The following FGGY variants were observed in gnomAD, a reference collection of about 807,000 sequenced individuals.
FGGY encodes the protein FGGY carbohydrate kinase domain containing.
FGGY carries 72 observed loss-of-function variants against 71.3 expected under a neutral mutation model. The ratio of observed to expected loss-of-function variants is 1.01; its 90% CI spans 0.84 to 1.23. FGGY has a LOEUF of 1.23. Ranked by LOEUF, FGGY falls within the 50% of genes most tolerant of loss-of-function variation. The probability of loss-of-function intolerance (pLI) is 0.00; values close to 1 mark genes in which losing one functional copy is unlikely to be tolerated. For synonymous variants in FGGY, 251 were observed against 250.3 expected (o/e 1.00, Z -0.02); for missense variants, 668 against 682.3 (o/e 0.98, Z 0.23).
chr1:59,689,797 A>G (rs1338536696), intron 14 of FGGY, among the ~76,000 whole-genome samples: 1 of 152,198 alleles, frequency 6.6e-6, no homozygotes, highest in Admixed American at 6.5e-5. Context: ...GAATTTCAGG[A>G]TGGAGAAAGC....
At chr1:59,302,981 C>T (rs2042992560) in intron 1 of FGGY, among the ~76,000 whole-genome samples, 2 of 151,964 alleles carry the variant, frequency 1.3e-5, no homozygotes, top group Non-Finnish European at 2.9e-5. Flanking sequence ...TTATCTATTT[C>T]CTTTTTCCCC....
chr1:59,324,345 C>G (rs371133677), intron 2 of FGGY, among the ~76,000 whole-genome samples: 2,388 of 128,408 alleles, frequency 0.019, 74 homozygotes, highest in African/African-American at 0.066. Context: ...GGCGGGATCT[C>G]GGCTCACTGC....
chr1:59,542,040 A>G (rs1487390698), intron 7 of FGGY, among the ~76,000 whole-genome samples: 1 of 152,208 alleles, frequency 6.6e-6, no homozygotes, highest in Non-Finnish European at 1.5e-5. Flanking sequence ...CAGCTAAGCC[A>G]TTTTTGTGGC....
intron 2 of FGGY, among the ~76,000 whole-genome samples, chr1:59,323,259 AG>A (rs1469553883): frequency 6.6e-6 from 1 of 152,254 alleles, no homozygotes; most frequent in African/African-American, 2.4e-5. Flanking sequence ...ACTTTAAAAA[AG>A]GTCTACTCTA....
At chr1:59,678,118 C>G (rs1036054898) in intron 14 of FGGY, among the ~76,000 whole-genome samples, 1 of 152,202 alleles carries the variant, frequency 6.6e-6, no homozygotes, top group African/African-American at 2.4e-5. Flanking sequence ...GAAGGCAAAT[C>G]ATGATCAGCT....
chr1:59,667,093 T>G (rs1353469209), intron 12 of FGGY, among the ~76,000 whole-genome samples, 190 bp from the exon 13 acceptor site: 3 of 152,198 alleles, frequency 2.0e-5, no homozygotes, highest in African/African-American at 7.2e-5. Flanking sequence ...AGGCCCAACT[T>G]GAAATTCCCA....
chr1:59,682,809 T>C (rs2097514110), intron 14 of FGGY, among the ~76,000 whole-genome samples: 1 of 152,248 alleles, frequency 6.6e-6, no homozygotes, highest in Non-Finnish European at 1.5e-5. Context: ...CAGAGCGGTC[T>C]GCAGACTAGA....
At chr1:59,636,358 A>C (rs1252535040) in intron 10 of FGGY, among the ~76,000 whole-genome samples, 1 of 152,194 alleles carries the variant, frequency 6.6e-6, no homozygotes, top group African/African-American at 2.4e-5. Flanking sequence ...GTGGTGGCTC[A>C]AGCCTGTAAT....
chr1:59,567,851 A>C (rs2095901093), intron 8 of FGGY, among the ~76,000 whole-genome samples: 2 of 150,238 alleles, frequency 1.3e-5, no homozygotes, highest in Middle Eastern at 3.4e-3. Flanking sequence ...GTCGATAAAA[A>C]ATCCTTTGTC....
chr1:59,680,829 G>A (rs929130824), intron 14 of FGGY: 12 of 152,090 alleles, frequency 7.9e-5, no homozygotes, highest in African/African-American at 2.4e-4. Flanking sequence ...CAAAGCCCAC[G>A]CTCTTTGTAT....
intron 5 of FGGY, among the ~76,000 whole-genome samples, chr1:59,414,340 GAA>G (rs1350232157): frequency 6.6e-6 from 1 of 152,140 alleles, no homozygotes; most frequent in Non-Finnish European, 1.5e-5. Context: ...TTGTTACCTG[GAA>G]ATGTGTGTTC....
intron 14 of FGGY, among the ~76,000 whole-genome samples, chr1:59,708,690 T>C (rs2097772834): frequency 6.6e-6 from 1 of 152,196 alleles, no homozygotes; most frequent in Non-Finnish European, 1.5e-5. Flanking sequence ...CTCAAAGCCA[T>C]GGAATCAGAA....
At chr1:59,587,333 TG>T (rs1289289489) in intron 8 of FGGY, among the ~76,000 whole-genome samples, 3 of 152,042 alleles carry the variant, frequency 2.0e-5, no homozygotes, top group Non-Finnish European at 4.4e-5. Context: ...CAAGGAGGCC[TG>T]CCTGCCTCTG....
At chr1:59,310,894 G>T (rs1460559315) in intron 1 of FGGY, among the ~76,000 whole-genome samples, 2 of 152,134 alleles carry the variant, frequency 1.3e-5, no homozygotes, top group African/African-American at 4.8e-5. Flanking sequence ...AGAGATATTT[G>T]ACTATTTTAT....
At chr1:59,672,662 C>T (rs2097392004) in intron 13 of FGGY, among the ~76,000 whole-genome samples, 1 of 152,126 alleles carries the variant, frequency 6.6e-6, no homozygotes, top group South Asian at 2.1e-4. Context: ...CCCTTTTTCT[C>T]TGGGTAGCTG....
rs1183434079 is a variant in FGGY at position 59,674,071 on chromosome 1, T to C, written c.1450T>C (p.Ser484Pro). Residue 484 changes from serine (S) to proline (P), a missense_variant, in exon 14 of 16, where the codon TCC becomes CCC. Coordinates refer to ENST00000303721, the MANE Select transcript of FGGY (RefSeq NM_018291.5). ...MPVVLSQEVESVLVGAAVLGA... is the reference protein window; with the variant it reads ...MPVVLSQEVEPVLVGAAVLGA... ...TGTGGTCCTGTCGCAAGAGGTGGAG[T>C]CCGTTCTTGTGGGTGCTGCTGTTCT... The C allele has an allele frequency of 1.2e-6, 2 of 1,613,578 alleles. No individual in the cohort carries two copies. The highest frequency in any genetic ancestry group is 1.7e-6 in the Non-Finnish European group (2 of 1,179,870).
chr1:59,535,719 C>T (rs890037334), intron 7 of FGGY, among the ~76,000 whole-genome samples: 3 of 148,456 alleles, frequency 2.0e-5, no homozygotes, highest in Admixed American at 1.3e-4. Flanking sequence ...GAACAACCTG[C>T]TCCTGAATGA....
rs186015187 is a variant in FGGY, at chr1:59,483,389, C to T, written c.670+26313C>T. Among the ~76,000 whole-genome samples the T allele has an allele frequency of 3.3e-3, 498 of 152,232 alleles. 4 individuals are homozygous for T. Among genetic ancestry groups the T allele is most frequent in the African/African-American group, 0.011 (475 of 41,540 alleles). ...TGTGAAGATACTCAGCCCCTGCCTG[C>T]GAGATGCCTATCAACTATGGAGAAA... On this transcript the variant is annotated intron_variant, in intron 6 of 15. Transcript: ENST00000303721.
chr1:59,607,346 T>A (rs1346749420), intron 8 of FGGY, among the ~76,000 whole-genome samples: 31 of 152,218 alleles, frequency 2.0e-4, no homozygotes. Context: ...ACAGCCCTTT[T>A]GAGACCTAGG....
Sources: allele counts gnomAD v4.1 joint callset (sites outside exome capture counted in the v4.1 genomes callset), GRCh38; gene constraint gnomAD v4.1.1; transcripts MANE v1.5; gene names NCBI Gene and HGNC (gene_info 2026-07-23, HGNC 2026-07-21).